The following CRYBG3 variants were observed in gnomAD, a reference collection of about 807,000 sequenced individuals.
The protein encoded by CRYBG3 is very large A-kinase anchor protein.
Under a neutral mutation model 244.2 loss-of-function variants are expected in CRYBG3, and 127 were observed. The observed-to-expected ratio is 0.52, with a 90% CI of 0.45 to 0.60. CRYBG3 has a LOEUF of 0.60. Among genes scored for constraint, CRYBG3 ranks in the 20% least tolerant of loss-of-function variants. The pLI, the probability that CRYBG3 is intolerant of heterozygous loss-of-function variation, is 0.00. For synonymous variants in CRYBG3, 1,132 were observed against 1,195.8 expected (o/e 0.95, Z 1.10); for missense variants, 3,325 against 3,442.5 (o/e 0.97, Z 0.85).
intron 11 of CRYBG3, among the ~76,000 whole-genome samples, chr3:97,893,308 A>G (rs2039602841): frequency 6.6e-6 from 1 of 152,238 alleles, no homozygotes; most frequent in African/African-American, 2.4e-5. Flanking sequence ...TGACAGCCCC[A>G]GTTTTTATCC....
chr3:97,873,503 A>C lies in CRYBG3; in HGVS notation c.2309A>C (p.Lys770Thr). 2 of 1,536,036 alleles carry C rather than the reference A, an allele frequency of 1.3e-6. No individual in the cohort carries two copies. Among genetic ancestry groups the C allele is most frequent in the South Asian group, 2.4e-5 (2 of 84,056 alleles). Reference sequence around the variant, plus strand: ...AGCTTTGACTCTGGAAACCTCTCTAAGGATTGCAGTTCCATTTTATCTCAA... The same window carrying C: ...AGCTTTGACTCTGGAAACCTCTCTACGGATTGCAGTTCCATTTTATCTCAA... Reference protein sequence around the residue: ...LLSFDSGNLSKDCSSILSQDP... With the variant: ...LLSFDSGNLSTDCSSILSQDP... The change falls in exon 4 of 22, where the codon AAG (lysine) becomes ACG (threonine). Residue 770 changes from lysine (K) to threonine (T), a missense_variant. This residue lies in a region of CRYBG3 where 1,526 missense variants were observed against 1,443.2 expected (regional missense o/e 1.06). Coordinates refer to ENST00000389622, the MANE Select transcript of CRYBG3 (RefSeq NM_153605.4).
At chr3:97,917,484 C>T (rs572762391) in intron 17 of CRYBG3, among the ~76,000 whole-genome samples, 30 of 152,056 alleles carry the variant, frequency 2.0e-4, no homozygotes, top group Admixed American at 2.6e-4. Context: ...ACATCTTTTG[C>T]GAAGATGTGT....
intron 1 of CRYBG3, among the ~76,000 whole-genome samples, chr3:97,822,592 C>T (rs899608574): frequency 2.0e-5 from 3 of 152,236 alleles, no homozygotes; most frequent in Admixed American, 1.3e-4. Flanking sequence ...CAGCCGGACG[C>T]ATATCCCCCG....
At chr3:97,894,412 TA>T (rs1184306133) in intron 11 of CRYBG3, among the ~76,000 whole-genome samples, 1 of 152,168 alleles carries the variant, frequency 6.6e-6, no homozygotes, top group African/African-American at 2.4e-5. Flanking sequence ...AATAGCTGAT[TA>T]TTTTTTTCAC....
At chr3:97,933,179 C>A in intron 17 of CRYBG3, 1 of 438,106 alleles carries the variant, frequency 2.3e-6, no homozygotes, top group Non-Finnish European at 4.5e-6. Context: ...ACTTTTAATG[C>A]AGAAATCACC....
chr3:97,869,367 A>T (rs2108210002), intron 3 of CRYBG3, among the ~76,000 whole-genome samples: 1 of 152,276 alleles, frequency 6.6e-6, no homozygotes, highest in Middle Eastern at 3.4e-3. Flanking sequence ...TGAAGCAGAA[A>T]ATGTTTGGTA....
chr3:97,944,971 G>T lies in CRYBG3; in HGVS notation c.*1657G>T, dbSNP rs1323549630. ...AATAAACTTGTCAAAATATGGTTTTGTCATTTTCTGAGACACTTGGTAATT... is the reference window on the plus strand; with the variant it reads ...AATAAACTTGTCAAAATATGGTTTTTTCATTTTCTGAGACACTTGGTAATT... On this transcript the variant is annotated 3_prime_UTR_variant, in exon 22 of 22. Transcript: ENST00000389622. 5 of 388,120 alleles carry T rather than the reference G, an allele frequency of 1.3e-5. No homozygotes were observed. In the East Asian group the frequency reaches 2.0e-4, roughly 16 times the overall value. The allele number at this position is 388,120 out of a possible 1,614,324, so 24.0% of individuals were successfully genotyped here. A position where few individuals can be genotyped will look rare whatever the true frequency, so the allele number is the denominator to read the frequency against.
At chr3:97,826,178 T>C (rs1304791376) in intron 1 of CRYBG3, among the ~76,000 whole-genome samples, 1 of 152,160 alleles carries the variant, frequency 6.6e-6, no homozygotes, top group African/African-American at 2.4e-5. Flanking sequence ...TAGCCTGTTG[T>C]AGGGTATCAA....
In CRYBG3 at chr3:97,880,453, T is replaced by G. The variant is rs118165857; in HGVS notation, c.7004+353T>G. Among the ~76,000 whole-genome samples the G allele has an allele frequency of 2.0e-4, 30 of 152,346 alleles. No individual in the cohort carries two copies. The East Asian group carries it at 2.7e-3, about 14-fold the overall frequency. ...GAAAATGAGTTCAGAATTTGTGGGA[T>G]GCTGAGGAATGTGAAGGCCACATAG... is the stretch of plus-strand genomic sequence containing the variant. On this transcript the variant is annotated intron_variant, in intron 6 of 21. Coordinates refer to ENST00000389622, the MANE Select transcript of CRYBG3 (RefSeq NM_153605.4).
At chr3:97,940,062 T>TATTA (rs754278862) in intron 19 of CRYBG3, among the ~76,000 whole-genome samples, 41 of 152,052 alleles carry the variant, frequency 2.7e-4, no homozygotes, top group Admixed American at 7.2e-4. Context: ...GACCATTTGT[T>TATTA]ATTACTCAGC....
intron 15 of CRYBG3, 70 bp downstream of exon 15, chr3:97,900,555 C>A (rs1483484427): frequency 4.1e-6 from 4 of 986,706 alleles, no homozygotes; most frequent in Middle Eastern, 2.1e-4. Context: ...TCTCTCAAAT[C>A]TTTCTCTTTT....
chr3:97,910,190 G>A (rs1195104693), intron 15 of CRYBG3, among the ~76,000 whole-genome samples: 1 of 151,276 alleles, frequency 6.6e-6, no homozygotes, highest in African/African-American at 2.4e-5. Flanking sequence ...AGAGGTTACT[G>A]CTGTCTTTTT....
chr3:97,823,327 G>A (rs546448263), intron 1 of CRYBG3, among the ~76,000 whole-genome samples: 1 of 152,282 alleles, frequency 6.6e-6, no homozygotes, highest in East Asian at 1.9e-4. Flanking sequence ...GTTTACTTCG[G>A]ACTCAAGATT....
chr3:97,845,386 C>G (rs553953610), intron 2 of CRYBG3, among the ~76,000 whole-genome samples: 2 of 152,258 alleles, frequency 1.3e-5, no homozygotes, highest in South Asian at 4.1e-4. Flanking sequence ...ATTTTTTATT[C>G]TTAAAATACC....
intron 15 of CRYBG3, among the ~76,000 whole-genome samples, chr3:97,904,921 A>G (rs1157330778): frequency 2.4e-5 from 3 of 125,406 alleles, no homozygotes; most frequent in Non-Finnish European, 4.7e-5. Context: ...CCAGAGTGTG[A>G]TATTCCCCTT....
At chr3:97,825,405 T>C (rs2038564882) in intron 1 of CRYBG3, among the ~76,000 whole-genome samples, 1 of 152,218 alleles carries the variant, frequency 6.6e-6, no homozygotes, top group South Asian at 2.1e-4. Flanking sequence ...GAGAACAGTA[T>C]TTATCAAGGG....
chr3:97,828,659 T>A (rs141616149), intron 1 of CRYBG3, among the ~76,000 whole-genome samples: 2,239 of 151,592 alleles, frequency 0.015, 52 homozygotes, highest in African/African-American at 0.051. Context: ...AAATCCCATC[T>A]CTACTAAAAT....
rs1376949947 is a variant in CRYBG3, at chr3:97,944,210, T to C, written c.*896T>C. On this transcript the variant is annotated 3_prime_UTR_variant, in exon 22 of 22. Coordinates refer to ENST00000389622, the MANE Select transcript of CRYBG3 (RefSeq NM_153605.4). ...ACCATCTCTTTAAGTAAACGTGGAG[T>C]TGATTTCTCTACTAAATAACAGAAA... 6.6e-6 allele frequency: 1 copy of C among 151,536 alleles called. No homozygotes were observed. The highest frequency in any genetic ancestry group is 2.4e-5 in the African/African-American group (1 of 41,268). 9.4% of individuals were successfully genotyped at this position (151,536 alleles called of 1,614,324 possible).
Position 97,873,295 on chromosome 3 carries a change from A to G in CRYBG3, c.2101A>G (p.Lys701Glu). The G allele has an allele frequency of 6.5e-7, 1 of 1,535,682 alleles. No individual in the cohort carries two copies. The highest frequency in any genetic ancestry group is 8.7e-7 in the Non-Finnish European group (1 of 1,146,718). Residue 701 changes from lysine (K) to glutamate (E), a missense_variant, in exon 4 of 22, where the codon AAA (lysine) becomes GAA (glutamate). By Grantham distance (56) the Lys-to-Glu change is moderately conservative. Around this residue, in one of 4 missense-constraint regions of CRYBG3, gnomAD observed 1,526 missense variants for 1,443.2 expected, o/e 1.06. Transcript: ENST00000389622. ...TATTTCCTATCAGCCTAGGAAGTGT[A>G]AAGAAGAAAATGTGAAAAACCATGT... ...VGISYQPRKC[K>E]EENVKNHVEA...
Sources: allele counts gnomAD v4.1 joint callset (sites outside exome capture counted in the v4.1 genomes callset), GRCh38; gene constraint gnomAD v4.1.1; regional missense constraint gnomAD v4.1.1; transcripts MANE v1.5; gene names NCBI Gene and HGNC (gene_info 2026-07-23, HGNC 2026-07-21).